SLC14A2: variants seen among roughly 807,000 people sequenced by gnomAD.
SLC14A2 encodes the protein urea transporter 2.
A neutral mutation model predicts 104.6 loss-of-function variants in SLC14A2; 91 were observed. The observed-to-expected ratio is 0.87, with a 90% CI of 0.73 to 1.04. SLC14A2 has a LOEUF of 1.04. Ranked by LOEUF, SLC14A2 falls within the 50% of genes least tolerant of loss-of-function variation. The pLI is 0.00. For missense variants in SLC14A2, 1,189 were observed against 1,156.0 expected, an observed-to-expected ratio of 1.03 and a Z score of -0.41; for synonymous variants, 476 against 466.4, an observed-to-expected ratio of 1.02 and a Z score of -0.27.
chr18:45,374,957 G>A (rs78386801), intron 1 of SLC14A2, among the ~76,000 whole-genome samples: 3,068 of 152,240 alleles, frequency 0.02, 105 homozygotes, highest in African/African-American at 0.069. Context: ...ACTCTTGAAC[G>A]CACATGCATA....
At chr18:45,211,524 T>A (rs2083961636), upstream of SLC14A2, among the ~76,000 whole-genome samples, 1 of 152,180 alleles carries the variant, frequency 6.6e-6, no homozygotes, top group Non-Finnish European at 1.5e-5. Flanking sequence ...CATGTTGATC[T>A]CTCCACCATT....
intron 1 of SLC14A2, among the ~76,000 whole-genome samples, chr18:45,247,508 G>A (rs905048887): frequency 4.6e-5 from 7 of 152,216 alleles, no homozygotes; most frequent in Middle Eastern, 3.4e-3. Flanking sequence ...TGTTTTACAA[G>A]CATTTGTTGA....
At chr18:45,627,200 G>C in intron 4 of SLC14A2, 53 bp downstream of exon 4, 1 of 1,523,228 alleles carries the variant, frequency 6.6e-7, no homozygotes, top group Non-Finnish European at 9.1e-7. Flanking sequence ...AGAAAGTAGA[G>C]AGGTGTTTAC....
intron 1 of SLC14A2, among the ~76,000 whole-genome samples, chr18:45,367,619 C>T (rs943125831): frequency 5.3e-5 from 8 of 152,180 alleles, no homozygotes; most frequent in African/African-American, 1.9e-4. Context: ...AGGGCTGGCT[C>T]ATACCAAGCC....
intron 2 of SLC14A2, among the ~76,000 whole-genome samples, chr18:45,577,883 C>T (rs976003285): frequency 5.9e-5 from 9 of 152,172 alleles, no homozygotes; most frequent in Non-Finnish European, 1.2e-4. Flanking sequence ...TAATGAAGGA[C>T]ATGGCATTCA....
intron 1 of SLC14A2, among the ~76,000 whole-genome samples, chr18:45,428,802 T>G (rs1038065850): frequency 6.6e-6 from 1 of 152,200 alleles, no homozygotes; most frequent in African/African-American, 2.4e-5. Context: ...TAAAGAAAAC[T>G]TTCATTTGAG....
At chr18:45,659,961 CAAAA>C (rs11456560) in intron 10 of SLC14A2, among the ~76,000 whole-genome samples, 1 of 104,810 alleles carries the variant, frequency 9.5e-6, no homozygotes. Context: ...ACTGGCTCTA[CAAAA>C]AAAAAAAAAA....
intron 2 of SLC14A2, among the ~76,000 whole-genome samples, chr18:45,577,240 A>G (rs563235335): frequency 6.6e-6 from 1 of 152,152 alleles, no homozygotes; most frequent in Admixed American, 6.5e-5. Flanking sequence ...TACTTAATAC[A>G]CATGGTAGAT....
intron 1 of SLC14A2, among the ~76,000 whole-genome samples, chr18:45,272,199 C>T (rs1181388947): frequency 6.6e-6 from 1 of 151,966 alleles, no homozygotes; most frequent in Non-Finnish European, 1.5e-5. Flanking sequence ...CCTCAAAAAA[C>T]TGAAAATTCA....
intron 16 of SLC14A2, among the ~76,000 whole-genome samples, chr18:45,670,400 G>A (rs1181117922): frequency 6.6e-6 from 1 of 152,130 alleles, no homozygotes; most frequent in Non-Finnish European, 1.5e-5. Flanking sequence ...TATCTAACAA[G>A]GCACGTTTTC....
intron 5 of SLC14A2, 115 bp downstream of exon 5, chr18:45,632,593 G>A: frequency 8.6e-7 from 1 of 1,167,144 alleles, no homozygotes. Context: ...TCATAGCCAA[G>A]TTAGCTTGTC....
At chr18:45,421,281 C>T (rs1038239152) in intron 1 of SLC14A2, among the ~76,000 whole-genome samples, 4 of 151,006 alleles carry the variant, frequency 2.6e-5, no homozygotes, top group African/African-American at 9.7e-5. Flanking sequence ...ATCAATTTCC[C>T]ATTTACTGGC....
chr18:45,294,704 T>C (rs2084903002), intron 1 of SLC14A2, among the ~76,000 whole-genome samples: 1 of 152,236 alleles, frequency 6.6e-6, no homozygotes, highest in Non-Finnish European at 1.5e-5. Context: ...CAATACAACC[T>C]CTTCAGAAAG....
intron 2 of SLC14A2, among the ~76,000 whole-genome samples, chr18:45,599,685 C>G (rs1338569463): frequency 6.6e-6 from 1 of 152,144 alleles, no homozygotes; most frequent in Non-Finnish European, 1.5e-5. Context: ...CTGTTCCGAG[C>G]CTGTATTAGT....
intron 1 of SLC14A2, among the ~76,000 whole-genome samples, chr18:45,619,970 G>A (rs1412304530): frequency 6.6e-6 from 1 of 152,204 alleles, no homozygotes. Context: ...GGCCCCGAGT[G>A]GCAGAGCAGG....
At chr18:45,317,605 G>A (rs1174497308) in intron 1 of SLC14A2, among the ~76,000 whole-genome samples, 2 of 152,194 alleles carry the variant, frequency 1.3e-5, no homozygotes, top group Non-Finnish European at 2.9e-5. Flanking sequence ...ATATAAGGAG[G>A]TTGTAATATG....
the SLC14A2 span, chr18:45,168,688 T>G: frequency 6.6e-6 from 1 of 152,180 alleles, no homozygotes; most frequent in Non-Finnish European, 1.5e-5. Flanking sequence ...GAATATGGTT[T>G]ATCATGAGAA....
chr18:45,540,768 A>G (rs1236579583), intron 2 of SLC14A2, among the ~76,000 whole-genome samples: 2 of 152,012 alleles, frequency 1.3e-5, no homozygotes, highest in Non-Finnish European at 2.9e-5. Context: ...TAATAATAAT[A>G]ATCTGCCAGG....
At chr18:45,384,066 T>C (rs1299503490) in intron 1 of SLC14A2, among the ~76,000 whole-genome samples, 1 of 152,150 alleles carries the variant, frequency 6.6e-6, no homozygotes, top group Non-Finnish European at 1.5e-5. Context: ...GAGTTGCTTT[T>C]AGATGCAAGA....
Sources: gnomAD v4.1 joint callset for allele counts (sites outside exome capture counted in the v4.1 genomes callset) on GRCh38, gnomAD v4.1.1 for gene constraint, MANE v1.5 for transcripts, NCBI Gene and HGNC (gene_info 2026-07-23, HGNC 2026-07-21) for gene names.